The following MED12L variants were observed in gnomAD, a reference collection of about 807,000 sequenced individuals.
The protein encoded by MED12L is mediator complex subunit 12L, also known as mediator of RNA polymerase II transcription subunit 12-like protein.
MED12L carries 60 observed loss-of-function variants against 281.3 expected under a neutral mutation model. The observed-to-expected ratio is 0.21, with a 90% CI of 0.17 to 0.26. The LOEUF (loss-of-function observed/expected upper bound fraction) is 0.26, where lower values mean the gene tolerates loss of function less well. MED12L is among the 10% of genes least tolerant of loss of function. The pLI is 1.00. For synonymous variants in MED12L, 974 were observed against 987.2 expected, an observed-to-expected ratio of 0.99 and a Z score of 0.25; for missense variants, 2,146 against 2,680.9, an observed-to-expected ratio of 0.80 and a Z score of 4.41.
chr3:151,275,435 G>A (rs1741691996), intron 16 of MED12L, among the ~76,000 whole-genome samples: 1 of 152,024 alleles, frequency 6.6e-6, no homozygotes, highest in South Asian at 2.1e-4. Context: ...AACAACAGAT[G>A]GGAGGTTTCA....
intron 44 of MED12L, 140 bp downstream of exon 44, chr3:151,430,520 A>G: frequency 7.6e-7 from 1 of 1,323,052 alleles, no homozygotes; most frequent in Non-Finnish European, 9.9e-7. Flanking sequence ...AGCCCAAGGT[A>G]TTTTCATTCT....
At chr3:151,198,541 A>G (rs1238334189) in intron 16 of MED12L, 1 of 1,614,118 alleles carries the variant, frequency 6.2e-7, no homozygotes, top group Admixed American at 1.7e-5. Context: ...AGTACAGGAT[A>G]GGATCAAAGC....
intron 11 of MED12L, among the ~76,000 whole-genome samples, chr3:151,175,391 A>G (rs1011755785): frequency 1.3e-5 from 2 of 152,366 alleles, no homozygotes; most frequent in South Asian, 2.1e-4. Context: ...AGCTTTATTC[A>G]GTATCTTACG....
At chr3:151,334,310 A>G (rs1198211544) in intron 16 of MED12L, among the ~76,000 whole-genome samples, 1 of 149,764 alleles carries the variant, frequency 6.7e-6, no homozygotes, top group Non-Finnish European at 1.5e-5. Context: ...GCATTTCCAC[A>G]TCTTTAGTTC....
intron 3 of MED12L, among the ~76,000 whole-genome samples, chr3:151,117,613 T>C (rs899197165): frequency 7.9e-5 from 12 of 152,058 alleles, no homozygotes; most frequent in Non-Finnish European, 1.6e-4. Context: ...ACAACACACA[T>C]AAAAAAGTTC....
In MED12L at chr3:151,233,682, G is replaced by A. The variant is rs142917400; in HGVS notation, c.2250+40016G>A. ...CGGGAGGCGGAGGTTGTGGTGAGCC[G>A]AGATCGTGCCATTGCACTCCAACCT... On this transcript the variant is annotated intron_variant, in intron 16 of 44. Coordinates refer to ENST00000687756, the MANE Select transcript of MED12L (RefSeq NM_001393769.1). 9.3e-3 allele frequency among the ~76,000 whole-genome samples: 1,423 copies of A among 152,316 alleles called. 22 individuals are homozygous for A. Among genetic ancestry groups the A allele is most frequent in the African/African-American group, 0.032 (1,324 of 41,568 alleles).
At chr3:151,360,110 C>T (rs532030374) in intron 20 of MED12L, among the ~76,000 whole-genome samples, 30 of 152,234 alleles carry the variant, frequency 2.0e-4, no homozygotes, top group Non-Finnish European at 3.8e-4. Context: ...AATCTTTGCA[C>T]GCTGATGGAA....
intron 16 of MED12L, among the ~76,000 whole-genome samples, chr3:151,306,122 C>T (rs1427457822): frequency 6.6e-6 from 1 of 152,180 alleles, no homozygotes; most frequent in East Asian, 1.9e-4. Flanking sequence ...TGTGGCTATA[C>T]TTAACCTCTA....
intron 5 of MED12L, among the ~76,000 whole-genome samples, chr3:151,151,818 A>C (rs1174585192): frequency 3.3e-5 from 5 of 152,214 alleles, no homozygotes; most frequent in Non-Finnish European, 7.3e-5. Flanking sequence ...ACACAGAGTC[A>C]TGATGTGAAC....
At chr3:151,243,671 T>C (rs865836373) in intron 16 of MED12L, among the ~76,000 whole-genome samples, 6 of 151,758 alleles carry the variant, frequency 4.0e-5, no homozygotes, top group Non-Finnish European at 7.4e-5. Flanking sequence ...CATGCCAAAA[T>C]GTAAAGACCA....
chr3:151,091,354 G>T (rs184357762), intron 2 of MED12L, among the ~76,000 whole-genome samples: 3 of 152,322 alleles, frequency 2.0e-5, no homozygotes, highest in Admixed American at 1.3e-4. Context: ...TACCCTGAAG[G>T]CTGGTTGAAA....
At chr3:151,413,411 G>C in intron 42 of MED12L, 116 bp downstream of exon 42, 1 of 1,274,098 alleles carries the variant, frequency 7.8e-7, no homozygotes, top group Non-Finnish European at 1.1e-6. Context: ...AAGGATCCCT[G>C]TGGATTTGAT....
At chr3:151,250,264 T>C (rs942949560) in intron 16 of MED12L, among the ~76,000 whole-genome samples, 2 of 152,180 alleles carry the variant, frequency 1.3e-5, no homozygotes, top group Non-Finnish European at 2.9e-5. Flanking sequence ...TTGAGGTAGC[T>C]TTTTTGGGAT....
At chr3:151,197,131 C>T (rs981279439) in intron 16 of MED12L, among the ~76,000 whole-genome samples, 1 of 152,132 alleles carries the variant, frequency 6.6e-6, no homozygotes, top group African/African-American at 2.4e-5. Context: ...ACTCTGAGAG[C>T]TGGAGTCAGC....
chr3:151,243,018 G>A (rs1192334488), intron 16 of MED12L, among the ~76,000 whole-genome samples: 144 of 151,688 alleles, frequency 9.5e-4, no homozygotes, highest in African/African-American at 6.5e-4. Flanking sequence ...GGGTATCAGC[G>A]ATGGAAGATG....
chr3:151,355,840 A>T, intron 18 of MED12L, 56 bp from the exon 19 acceptor site: 1 of 1,449,540 alleles, frequency 6.9e-7, no homozygotes, highest in South Asian at 1.3e-5. Flanking sequence ...GATTTATCTT[A>T]GTAAAAGATT....
intron 16 of MED12L, among the ~76,000 whole-genome samples, chr3:151,299,365 C>CTTTTCTTTTA: frequency 8.5e-6 from 1 of 116,980 alleles, no homozygotes; most frequent in African/African-American, 3.9e-5. Flanking sequence ...TCTTTCTTTT[C>CTTTTCTTTTA]TTTTCTTTTC....
At chr3:151,163,763 ACT>A (rs1382307362) in intron 8 of MED12L, 128 bp from the exon 9 acceptor site, 97 of 855,948 alleles carry the variant, frequency 1.1e-4, no homozygotes, top group African/African-American at 6.9e-5. Context: ...GGGGTAAGAC[ACT>A]CTCGTATTTT....
intron 5 of MED12L, among the ~76,000 whole-genome samples, chr3:151,128,365 C>T (rs1206386199): frequency 1.3e-5 from 2 of 152,156 alleles, no homozygotes; most frequent in African/African-American, 4.8e-5. Flanking sequence ...AATCTCCAAA[C>T]CTAAATGGTA....
Sources: allele counts gnomAD v4.1 joint callset (sites outside exome capture counted in the v4.1 genomes callset), GRCh38; gene constraint gnomAD v4.1.1; transcripts MANE v1.5; gene names NCBI Gene and HGNC (gene_info 2026-07-23, HGNC 2026-07-21).